Variants in CHLSN observed in about 807,000 individuals in gnomAD.
CHLSN encodes the protein cholesin.
the CHLSN span, chr7:1,058,826 A>G: frequency 2.5e-6 from 1 of 393,022 alleles, no homozygotes; most frequent in East Asian, 4.5e-5. Context: ...GAAGTGATGA[A>G]AGCTTAGAGC....
At chr7:1,065,993 C>G in the CHLSN span, among the ~76,000 whole-genome samples, 29 of 152,336 alleles carry the variant, frequency 1.9e-4, no homozygotes, top group East Asian at 5.2e-3. Context: ...GAGCAGGGGC[C>G]CCGCCGAGGA....
the CHLSN span, among the ~76,000 whole-genome samples, chr7:1,106,661 G>A: frequency 6.6e-6 from 1 of 152,238 alleles, no homozygotes; most frequent in African/African-American, 2.4e-5. Flanking sequence ...CCCACTCAGG[G>A]TGTATTTCAA....
chr7:1,115,993 G>A, the CHLSN span, among the ~76,000 whole-genome samples: 51 of 124,498 alleles, frequency 4.1e-4, 3 homozygotes, highest in Admixed American at 1.2e-3. Flanking sequence ...TCTACGGACC[G>A]GCTTCCAGCA....
chr7:1,135,633 G>A, the CHLSN span, among the ~76,000 whole-genome samples: 1 of 151,230 alleles, frequency 6.6e-6, no homozygotes, highest in Admixed American at 6.6e-5. Flanking sequence ...TGGGTGTGCT[G>A]GCACCTGCCT....
chr7:1,027,190 G>A, the CHLSN span, among the ~76,000 whole-genome samples: 2,042 of 152,328 alleles, frequency 0.013, 22 homozygotes, highest in Non-Finnish European at 0.022. Flanking sequence ...AACTAAGTAC[G>A]GGTTAGGTTT....
At chr7:1,111,040 C>A in the CHLSN span, among the ~76,000 whole-genome samples, 2 of 152,294 alleles carry the variant, frequency 1.3e-5, no homozygotes, top group Middle Eastern at 6.8e-3. Flanking sequence ...CGCACCAGGG[C>A]ACTCCAGCCT....
At chr7:1,096,279 T>C in the CHLSN span, among the ~76,000 whole-genome samples, 1 of 152,190 alleles carries the variant, frequency 6.6e-6, no homozygotes, top group African/African-American at 2.4e-5. The surrounding 1 kb of genome is among the most constrained non-coding windows in gnomAD (Gnocchi z 4.6). Flanking sequence ...ACTCTTGACC[T>C]GTGAAGCTGG....
chr7:1,068,891 T>C, the CHLSN span, among the ~76,000 whole-genome samples: 2 of 151,896 alleles, frequency 1.3e-5, no homozygotes, highest in Non-Finnish European at 2.9e-5. Flanking sequence ...AACCAATAGG[T>C]GATGTCCGGG....
the CHLSN span, among the ~76,000 whole-genome samples, chr7:1,055,051 C>T: frequency 6.6e-6 from 1 of 152,216 alleles, no homozygotes; most frequent in Non-Finnish European, 1.5e-5. Flanking sequence ...CCCAGGCTCT[C>T]GGTGGGATGC....
At chr7:1,014,040 C>T in the CHLSN span, among the ~76,000 whole-genome samples, 1 of 152,180 alleles carries the variant, frequency 6.6e-6, no homozygotes, top group Non-Finnish European at 1.5e-5. Flanking sequence ...ACTGCACCTA[C>T]GCTGTGTATT....
At chr7:1,054,302 C>T in the CHLSN span, among the ~76,000 whole-genome samples, 1 of 152,200 alleles carries the variant, frequency 6.6e-6, no homozygotes, top group Non-Finnish European at 1.5e-5. Flanking sequence ...AAACAGAAAC[C>T]ATCCTCATCA....
At chr7:1,096,275 G>C in the CHLSN span, among the ~76,000 whole-genome samples, 2 of 152,234 alleles carry the variant, frequency 1.3e-5, no homozygotes, top group African/African-American at 2.4e-5. The surrounding 1 kb of genome is among the most constrained non-coding windows in gnomAD (Gnocchi z 4.6). Flanking sequence ...GCAGACTCTT[G>C]ACCTGTGAAG....
chr7:1,037,058 C>A, the CHLSN span, among the ~76,000 whole-genome samples: 1 of 146,934 alleles, frequency 6.8e-6, no homozygotes. Flanking sequence ...CTGCAGTGAG[C>A]CGAGATCACA....
chr7:982,481 A>G, the CHLSN span, among the ~76,000 whole-genome samples: 1 of 152,218 alleles, frequency 6.6e-6, no homozygotes, highest in African/African-American at 2.4e-5. Flanking sequence ...AGACAGATGG[A>G]CAGGGCTCGT....
the CHLSN span, among the ~76,000 whole-genome samples, chr7:1,085,350 C>T: frequency 0.017 from 2,583 of 152,258 alleles, 91 homozygotes; most frequent in East Asian, 0.17. Context: ...TGACCCAGGA[C>T]GCCTCTGGTG....
chr7:1,058,546 C>T, the CHLSN span: 2 of 758,728 alleles, frequency 2.6e-6, no homozygotes, highest in South Asian at 1.4e-5. Context: ...GGAGACGTGA[C>T]TCTGGTGGAC....
the CHLSN span, among the ~76,000 whole-genome samples, chr7:991,278 C>T: frequency 1.3e-5 from 2 of 152,164 alleles, no homozygotes; most frequent in African/African-American, 4.8e-5. Flanking sequence ...CCCGCTCGCC[C>T]GACTCACGCG....
chr7:1,135,876 T>C, the CHLSN span, among the ~76,000 whole-genome samples: 2 of 128,392 alleles, frequency 1.6e-5, no homozygotes, highest in African/African-American at 3.1e-5. Context: ...TATAAAAATA[T>C]ATATGAATAT....
At chr7:1,036,131 G>A in the CHLSN span, among the ~76,000 whole-genome samples, 54 of 152,232 alleles carry the variant, frequency 3.5e-4, no homozygotes, top group Non-Finnish European at 5.9e-5. Context: ...AATGGGTGGT[G>A]CACAGGGCCC....
Sources: allele counts gnomAD v4.1 joint callset (sites outside exome capture counted in the v4.1 genomes callset), GRCh38; gene constraint gnomAD v4.1.1; non-coding constraint Gnocchi (gnomAD v3.1); transcripts MANE v1.5; gene names NCBI Gene and HGNC (gene_info 2026-07-23, HGNC 2026-07-21).